Variants in MAGI2 observed in about 807,000 individuals in gnomAD.
MAGI2 encodes membrane associated guanylate kinase, WW and PDZ domain containing 2.
Under a neutral mutation model 133.3 loss-of-function variants are expected in MAGI2, and 35 were observed. That is an observed-to-expected ratio of 0.26 (90% CI 0.20 to 0.35). The LOEUF is 0.35. Ranked by LOEUF, MAGI2 falls within the 10% of genes least tolerant of loss-of-function variation. The pLI is 1.00. For synonymous variants in MAGI2, 729 were observed against 710.6 expected (o/e 1.03, Z -0.41); for missense variants, 1,636 against 1,863.4 (o/e 0.88, Z 2.25).
intron 2 of MAGI2, among the ~76,000 whole-genome samples, chr7:78,958,977 C>T (rs1019631475): frequency 2.0e-5 from 3 of 152,174 alleles, no homozygotes; most frequent in African/African-American, 7.2e-5. Flanking sequence ...GAATGCCTCT[C>T]ATACACGGTG....
chr7:78,650,666 A>G (rs960950728), intron 2 of MAGI2, among the ~76,000 whole-genome samples: 1 of 98,794 alleles, frequency 1.0e-5, no homozygotes, highest in Non-Finnish European at 2.2e-5. Flanking sequence ...TAATGAAAAT[A>G]TAATCATTAC....
intron 1 of MAGI2, among the ~76,000 whole-genome samples, chr7:79,048,497 CA>C (rs1562830729): frequency 6.6e-6 from 1 of 152,138 alleles, no homozygotes; most frequent in African/African-American, 2.4e-5. Context: ...ACTGCTAAAA[CA>C]TTTTTTAGTG....
rs952667917 is a variant in MAGI2 at position 79,337,414 on chromosome 7, C to T, written c.301+115606G>A. 4.4e-4 allele frequency among the ~76,000 whole-genome samples: 67 copies of T among 152,150 alleles called. 1 individual carries two copies. Among genetic ancestry groups the T allele is most frequent in the Non-Finnish European group, 2.9e-4 (20 of 68,030 alleles). The stretch of plus-strand genomic sequence containing the variant: ...AGACTACCAAATTAAATATTGTGTG[C>T]ACATTCCTATACATGTCCAGAGTTT... On this transcript the variant is annotated intron_variant, in intron 1 of 21. Coordinates refer to ENST00000354212, the MANE Select transcript of MAGI2 (RefSeq NM_012301.4).
chr7:78,759,310 A>G (rs889054585), intron 2 of MAGI2, among the ~76,000 whole-genome samples: 1 of 152,192 alleles, frequency 6.6e-6, no homozygotes, highest in African/African-American at 2.4e-5. Flanking sequence ...AATATAAATG[A>G]ATTGCTTTAT....
chr7:79,333,924 C>A (rs750597654), intron 1 of MAGI2, among the ~76,000 whole-genome samples: 10 of 152,208 alleles, frequency 6.6e-5, no homozygotes, highest in African/African-American at 1.9e-4. Flanking sequence ...TTCTAATATC[C>A]TCTGGAAACT....
intron 10 of MAGI2, among the ~76,000 whole-genome samples, chr7:78,224,563 GGCTGAC>G (rs1032481537): frequency 2.0e-5 from 3 of 152,110 alleles, no homozygotes; most frequent in African/African-American, 7.2e-5. Context: ...CTACTTGGGA[GGCTGAC>G]GCAGGGGGAT....
chr7:78,552,260 C>T (rs1160376121), intron 3 of MAGI2, among the ~76,000 whole-genome samples: 4 of 149,540 alleles, frequency 2.7e-5, no homozygotes, highest in Non-Finnish European at 3.0e-5. Flanking sequence ...CTCAGCTCAC[C>T]GCAACCTCCA....
intron 3 of MAGI2, among the ~76,000 whole-genome samples, chr7:78,580,146 G>C (rs1802686227): frequency 6.6e-6 from 1 of 152,090 alleles, no homozygotes. Context: ...TTTATGATGA[G>C]ATGCTCCTCA....
At chr7:78,806,863 G>A (rs37882) in intron 2 of MAGI2, among the ~76,000 whole-genome samples, 127,012 of 148,898 alleles carry the variant, frequency 0.85, 54,131 homozygotes, top group East Asian at 0.96. Flanking sequence ...GCAACACCCT[G>A]TCTCAAAATA....
intron 2 of MAGI2, among the ~76,000 whole-genome samples, chr7:78,708,591 G>A (rs755766823): frequency 2.0e-5 from 3 of 151,904 alleles, no homozygotes; most frequent in Non-Finnish European, 4.4e-5. Context: ...AGTCCCCTTG[G>A]GACTTAATGG....
At chr7:78,995,181 T>C (rs1015927903) in intron 2 of MAGI2, among the ~76,000 whole-genome samples, 2 of 151,670 alleles carry the variant, frequency 1.3e-5, no homozygotes, top group East Asian at 3.9e-4. Flanking sequence ...AAAAAAAAAA[T>C]CACAAAAAAA....
chr7:79,258,425 CCTT>C (rs1393481625), intron 1 of MAGI2, among the ~76,000 whole-genome samples: 1 of 152,122 alleles, frequency 6.6e-6, no homozygotes, highest in Non-Finnish European at 1.5e-5. Flanking sequence ...ACCAAATAAA[CCTT>C]CTTCCTTCAA....
At chr7:79,365,717 A>C (rs1418456824) in intron 1 of MAGI2, among the ~76,000 whole-genome samples, 2 of 151,632 alleles carry the variant, frequency 1.3e-5, no homozygotes, top group Non-Finnish European at 2.9e-5. Context: ...AAAATTAGCC[A>C]GGCATGGTGG....
chr7:78,345,851 A>G (rs1001592189), intron 8 of MAGI2, 71 bp downstream of exon 8: 4 of 1,591,238 alleles, frequency 2.5e-6, no homozygotes, highest in South Asian at 2.3e-5. Flanking sequence ...AGCTACAGAC[A>G]TATTTGGAAG....
chr7:79,076,489 T>C (rs528031820), intron 1 of MAGI2, among the ~76,000 whole-genome samples: 1 of 152,372 alleles, frequency 6.6e-6, no homozygotes, highest in African/African-American at 2.4e-5. Context: ...AGCAGGGTTC[T>C]TTTGAGATGT....
chr7:78,160,200 G>A lies in MAGI2; in HGVS notation c.2670C>T (p.Tyr890=), dbSNP rs542077951. 6.2e-6 allele frequency: 10 copies of A among 1,612,478 alleles called. No individual in the cohort carries two copies. Among genetic ancestry groups the A allele is most frequent in the Admixed American group, 1.7e-5 (1 of 59,834 alleles). The stretch of plus-strand genomic sequence containing the variant: ...CGTGGTTGCTGTTGGTGTAGGTTGC[G>A]TAGTCACTGCGTGGAGAGCTGTGGT... ...STHHSSPRSD[Y]ATYTNSNHAA... Residue 890 remains tyrosine, a synonymous_variant, in exon 16 of 22, where the codon TAC becomes TAT. Coordinates refer to ENST00000354212, the MANE Select transcript of MAGI2 (RefSeq NM_012301.4).
intron 16 of MAGI2, among the ~76,000 whole-genome samples, chr7:78,157,846 A>G (rs948566973): frequency 6.6e-5 from 10 of 152,192 alleles, no homozygotes; most frequent in Admixed American, 4.6e-4. Flanking sequence ...ATGCTTAAAG[A>G]TTGGATTTAT....
At chr7:79,190,075 A>C (rs1019984290) in intron 1 of MAGI2, among the ~76,000 whole-genome samples, 3 of 151,872 alleles carry the variant, frequency 2.0e-5, no homozygotes, top group Non-Finnish European at 4.4e-5. Context: ...TTATGAATAA[A>C]GCTTATATAA....
chr7:78,556,719 C>G (rs904236659), intron 3 of MAGI2, among the ~76,000 whole-genome samples: 1 of 152,096 alleles, frequency 6.6e-6, no homozygotes, highest in Non-Finnish European at 1.5e-5. Context: ...CAAGCTTTCC[C>G]CTTACAGAAA....
Sources: allele counts gnomAD v4.1 joint callset (sites outside exome capture counted in the v4.1 genomes callset), GRCh38; gene constraint gnomAD v4.1.1; transcripts MANE v1.5; gene names NCBI Gene and HGNC (gene_info 2026-07-23, HGNC 2026-07-21).